Variants in NUDC observed in about 807,000 individuals in gnomAD.
NUDC encodes the protein nuclear migration protein nudC.
In NUDC, 14 loss-of-function variants were observed where a neutral mutation model predicts 45.0. That is an observed-to-expected ratio of 0.31 (90% CI 0.21 to 0.49). The LOEUF (loss-of-function observed/expected upper bound fraction) is 0.49, where lower values mean the gene tolerates loss of function less well. NUDC is among the 20% of genes least tolerant of loss of function. The pLI is 0.99. For missense variants in NUDC, 323 were observed against 426.2 expected, an observed-to-expected ratio of 0.76 and a Z score of 2.13; for synonymous variants, 153 against 156.7, an observed-to-expected ratio of 0.98 and a Z score of 0.17.
At chr1:26,935,540 T>A (rs1193005650) in intron 2 of NUDC, among the ~76,000 whole-genome samples, 2 of 151,792 alleles carry the variant, frequency 1.3e-5, no homozygotes, top group Non-Finnish European at 2.9e-5. Flanking sequence ...AATCATCAGA[T>A]CTCATGATAA....
intron 2 of NUDC, among the ~76,000 whole-genome samples, chr1:26,924,990 T>G (rs1196262051): frequency 6.6e-6 from 1 of 151,234 alleles, no homozygotes; most frequent in Non-Finnish European, 1.5e-5. Flanking sequence ...AAGTGATTCT[T>G]GTGCCTCAGC....
At chr1:26,912,166 G>A (rs2082032016) in intron 3 of NUDC, 164 of 1,567,516 alleles carry the variant, frequency 1.0e-4, no homozygotes, top group Non-Finnish European at 1.4e-4. Flanking sequence ...CAAGATCTGG[G>A]CCATCAGAGA....
At chr1:26,920,776 C>CAA (rs758430801), upstream of NUDC, among the ~76,000 whole-genome samples, 7,164 of 133,624 alleles carry the variant, frequency 0.054, 193 homozygotes, top group African/African-American at 0.06. Flanking sequence ...AAACAAAAAA[C>CAA]AAAAAAAAAA....
intron 2 of NUDC, among the ~76,000 whole-genome samples, chr1:26,936,847 C>CAGTTCTCT (rs1402453160): frequency 6.6e-6 from 1 of 151,932 alleles, no homozygotes; most frequent in East Asian, 1.9e-4. Context: ...ACCAGTTCTC[C>CAGTTCTCT]AGTTCTCTGG....
intron 8 of NUDC, 92 bp from the exon 9 acceptor site, chr1:26,946,038 T>C: frequency 3.1e-6 from 4 of 1,296,894 alleles, no homozygotes. Context: ...TGCTGAGGTC[T>C]AAAGAGATTA....
upstream of NUDC, among the ~76,000 whole-genome samples, chr1:26,920,941 A>G (rs2082087376): frequency 6.6e-6 from 1 of 152,178 alleles, no homozygotes; most frequent in African/African-American, 2.4e-5. Flanking sequence ...CCCCATCTCT[A>G]AAAACAAACA....
rs2082095520 is a variant in NUDC at position 26,922,011 on chromosome 1, C to G, written c.81+82C>G. Reference sequence around the variant, plus strand: ...CTTCTCTGCCTTCGAGGGCTGAGACCCACCCCAGCGGCTCGCGGGCTTCTG... The same window carrying G: ...CTTCTCTGCCTTCGAGGGCTGAGACGCACCCCAGCGGCTCGCGGGCTTCTG... On this transcript the variant is annotated intron_variant, in intron 1 of 8. Coordinates refer to ENST00000321265, the MANE Select transcript of NUDC (RefSeq NM_006600.4). 6 of 1,388,148 alleles carry G rather than the reference C, an allele frequency of 4.3e-6. No individual in the cohort carries two copies. In the East Asian group the frequency reaches 1.5e-4, roughly 35 times the overall value. 86.0% of individuals were successfully genotyped at this position (1,388,148 alleles called of 1,614,324 possible).
At chr1:26,920,808 T>A (rs989075628), upstream of NUDC, among the ~76,000 whole-genome samples, 12 of 149,364 alleles carry the variant, frequency 8.0e-5, no homozygotes, top group African/African-American at 2.9e-4. Context: ...CGTGGTGATG[T>A]GAGCCTGTAG....
In NUDC at chr1:26,946,259, T is replaced by G. The variant is rs543170184; in HGVS notation, c.*78T>G. ...TTCTTTCCCACTCTTCTCTGGGACT[T>G]GTGGGCCTCAGGGCTTGGGGCAGGC... On this transcript the variant is annotated 3_prime_UTR_variant, in exon 9 of 9. Transcript: ENST00000321265. 3.5e-5 allele frequency: 46 copies of G among 1,305,666 alleles called. No individual in the cohort carries two copies. The South Asian group carries it at 5.4e-4, about 15-fold the overall frequency. 80.9% of individuals were successfully genotyped at this position (1,305,666 alleles called of 1,614,324 possible). A position where few individuals can be genotyped will look rare whatever the true frequency, so the allele number is the denominator to read the frequency against.
At chr1:26,931,100 C>T (rs935592441) in intron 2 of NUDC, among the ~76,000 whole-genome samples, 29 of 151,626 alleles carry the variant, frequency 1.9e-4, no homozygotes, top group Non-Finnish European at 2.9e-4. Context: ...TTGTTTGAGA[C>T]GGAGTCTCGC....
At chr1:26,945,154 A>G (rs1323506386) in intron 6 of NUDC, 3 of 595,682 alleles carry the variant, frequency 5.0e-6, no homozygotes, top group African/African-American at 1.9e-5. Flanking sequence ...CCCTGGATGA[A>G]TATCTCCCTT....
At chr1:26,916,982 C>T (rs184945880), upstream of NUDC, among the ~76,000 whole-genome samples, 11 of 151,752 alleles carry the variant, frequency 7.2e-5, no homozygotes, top group East Asian at 1.7e-3. Flanking sequence ...AAAAATCAGG[C>T]GTGGTGGCTC....
chr1:26,923,310 T>G (rs1236782880), intron 1 of NUDC, among the ~76,000 whole-genome samples: 5 of 152,220 alleles, frequency 3.3e-5, no homozygotes, highest in African/African-American at 4.8e-5. Flanking sequence ...TTATTCCTGT[T>G]GTACAGAGTT....
At chr1:26,907,457 T>G (rs1339089807) in intron 2 of NUDC, among the ~76,000 whole-genome samples, 1 of 152,190 alleles carries the variant, frequency 6.6e-6, no homozygotes, top group Non-Finnish European at 1.5e-5. Flanking sequence ...GTACAGGGGT[T>G]GGTACAAATG....
At chr1:26,934,158 GA>G (rs1430724208) in intron 2 of NUDC, among the ~76,000 whole-genome samples, 1 of 151,820 alleles carries the variant, frequency 6.6e-6, no homozygotes, top group South Asian at 2.1e-4. Context: ...TCTCAAAGAA[GA>G]AAAAAAAGAG....
intron 2 of NUDC, among the ~76,000 whole-genome samples, chr1:26,938,607 CA>C (rs890428686): frequency 5.3e-5 from 8 of 151,982 alleles, no homozygotes; most frequent in African/African-American, 1.5e-4. Context: ...TGGCATGGGA[CA>C]GGGGGTTTGG....
chr1:26,925,457 G>T (rs1307217558), intron 2 of NUDC, among the ~76,000 whole-genome samples: 1 of 145,160 alleles, frequency 6.9e-6, no homozygotes, highest in Non-Finnish European at 1.5e-5. Flanking sequence ...GGAGAATGGC[G>T]TGAACCCCGG....
At chr1:26,903,473 A>G (rs2081988948) in intron 2 of NUDC, among the ~76,000 whole-genome samples, 1 of 152,190 alleles carries the variant, frequency 6.6e-6, no homozygotes, top group Non-Finnish European at 1.5e-5. Context: ...GTTTTACTCA[A>G]TGTTTAAAAT....
chr1:26,932,962 AC>A (rs1447250633), intron 2 of NUDC, among the ~76,000 whole-genome samples: 6 of 132,534 alleles, frequency 4.5e-5, no homozygotes, highest in Non-Finnish European at 6.9e-5. Context: ...TGTATATATC[AC>A]AATTTTTTTT....
Sources: gnomAD v4.1 joint callset for allele counts (sites outside exome capture counted in the v4.1 genomes callset) on GRCh38, gnomAD v4.1.1 for gene constraint, MANE v1.5 for transcripts, NCBI Gene and HGNC (gene_info 2026-07-23, HGNC 2026-07-21) for gene names.